The following FKBP5 variants were observed in gnomAD, a reference collection of about 807,000 sequenced individuals.
FKBP5 encodes FKBP prolyl isomerase 5.
FKBP5 carries 23 observed loss-of-function variants against 50.5 expected under a neutral mutation model. The observed-to-expected ratio is 0.46, with a 90% CI of 0.33 to 0.65. The LOEUF (loss-of-function observed/expected upper bound fraction) is 0.65. Ranked by LOEUF, FKBP5 falls within the 30% of genes least tolerant of loss-of-function variation. FKBP5 has a pLI of 0.02. For synonymous variants in FKBP5, 176 were observed against 190.6 expected, an observed-to-expected ratio of 0.92 and a Z score of 0.63; for missense variants, 411 against 553.1, an observed-to-expected ratio of 0.74 and a Z score of 2.58.
chr6:35,667,419 T>G (rs907540745), intron 1 of FKBP5, among the ~76,000 whole-genome samples: 1 of 152,182 alleles, frequency 6.6e-6, no homozygotes, highest in Non-Finnish European at 1.5e-5. Flanking sequence ...CCTATTACGC[T>G]TATGGCTCCC....
intron 1 of FKBP5, among the ~76,000 whole-genome samples, chr6:35,662,095 G>T (rs1463707077): frequency 6.6e-6 from 1 of 151,988 alleles, no homozygotes; most frequent in Non-Finnish European, 1.5e-5. Flanking sequence ...ACAAGGTCTT[G>T]CTATGTTGCC....
At chr6:35,668,043 T>C (rs1449580114) in intron 1 of FKBP5, among the ~76,000 whole-genome samples, 1 of 152,222 alleles carries the variant, frequency 6.6e-6, no homozygotes, top group Non-Finnish European at 1.5e-5. Flanking sequence ...AAAAAAATTA[T>C]AGGAAATTTT....
At chr6:35,630,112 A>G (rs1278173222) in intron 3 of FKBP5, among the ~76,000 whole-genome samples, 2 of 151,808 alleles carry the variant, frequency 1.3e-5, no homozygotes, top group African/African-American at 4.8e-5. Context: ...TTCCAGCCCC[A>G]ATAACAGAGC....
At chr6:35,667,001 CTTGTT>C (rs2151002560) in intron 1 of FKBP5, among the ~76,000 whole-genome samples, 1 of 144,644 alleles carries the variant, frequency 6.9e-6, no homozygotes, top group African/African-American at 2.6e-5. Context: ...TAAATTTTCA[CTTGTT>C]TTGTGTGTGT....
chr6:35,683,115 CGTATATGTGTGTGTGTGT>C lies in FKBP5; in HGVS notation c.-20+5671_-20+5688del, dbSNP rs1294043459. 1.4e-4 allele frequency among the ~76,000 whole-genome samples: 8 copies of C among 56,236 alleles called. No individual in the cohort carries two copies. In the East Asian group the frequency reaches 3.4e-3, roughly 24 times the overall value. The allele number at this position is 56,236 out of a possible 152,430, so 36.9% of individuals were successfully genotyped here. A position where few individuals can be genotyped will look rare whatever the true frequency, so the allele number is the denominator to read the frequency against. On this transcript the variant is annotated intron_variant, in intron 1 of 10. Coordinates refer to ENST00000357266, the MANE Select transcript of FKBP5 (RefSeq NM_004117.4). Reference sequence around the variant, plus strand: ...AAAAAAGTGTGTGTGTATATATATACGTATATGTGTGTGTGTGTGTGTGTGTGTGTGTGTGTGTGTGTG... The same window carrying C: ...AAAAAAGTGTGTGTGTATATATATACGTGTGTGTGTGTGTGTGTGTGTGTG...
chr6:35,717,409 T>G (rs1329493918), intron 2 of FKBP5, among the ~76,000 whole-genome samples: 1 of 152,242 alleles, frequency 6.6e-6, no homozygotes, highest in Non-Finnish European at 1.5e-5. Context: ...TGTGAGTGTG[T>G]GCTCCATGTG....
At chr6:35,678,821 C>T (rs1025288433) in intron 1 of FKBP5, among the ~76,000 whole-genome samples, 3 of 152,168 alleles carry the variant, frequency 2.0e-5, no homozygotes, top group Non-Finnish European at 2.9e-5. Context: ...GTGGCTCATG[C>T]CTGTAATCCT....
chr6:35,592,371 T>C (rs1581794342), intron 6 of FKBP5, among the ~76,000 whole-genome samples: 2 of 152,232 alleles, frequency 1.3e-5, no homozygotes, highest in East Asian at 1.9e-4. Context: ...TCACCTCCAC[T>C]GTTACACAGA....
chr6:35,642,093 T>C (rs1764509567), intron 2 of FKBP5, among the ~76,000 whole-genome samples: 1 of 152,122 alleles, frequency 6.6e-6, no homozygotes, highest in Non-Finnish European at 1.5e-5. Context: ...GTCTTCAAAA[T>C]TGTCATTAGC....
upstream of FKBP5, among the ~76,000 whole-genome samples, chr6:35,689,892 T>G (rs2151015335): frequency 6.6e-6 from 1 of 152,260 alleles, no homozygotes; most frequent in South Asian, 2.1e-4. Context: ...AAAGGTAGAC[T>G]GCCAACCAGA....
intron 7 of FKBP5, among the ~76,000 whole-genome samples, chr6:35,589,921 G>C (rs1049494143): frequency 2.0e-5 from 3 of 152,162 alleles, no homozygotes; most frequent in Non-Finnish European, 4.4e-5. Context: ...CACTTTCTTA[G>C]CCCAAAGGTA....
In FKBP5 at chr6:35,575,603, CCA is replaced by C. The variant is rs1444946321; in HGVS notation, c.*230_*231del. 3.9e-6 allele frequency: 2 copies of C among 518,452 alleles called. No homozygotes were observed. Among genetic ancestry groups the C allele is most frequent in the Non-Finnish European group, 7.0e-6 (2 of 286,326 alleles). 32.1% of individuals were successfully genotyped at this position (518,452 alleles called of 1,614,324 possible). A position where few individuals can be genotyped will look rare whatever the true frequency, so the allele number is the denominator to read the frequency against. On this transcript the variant is annotated 3_prime_UTR_variant, in exon 11 of 11. Coordinates refer to ENST00000357266, the MANE Select transcript of FKBP5 (RefSeq NM_004117.4). ...AAGCTGCTGGCTCACTCCCTCCACA[CCA>C]CAGTCATTTCTGTTTGTTCCACCTG...
rs555619707 is a variant in FKBP5 at position 35,654,614 on chromosome 6, C to G, written c.-19-11771G>C. Among the ~76,000 whole-genome samples the G allele has an allele frequency of 2.0e-5, 3 of 151,442 alleles. No homozygotes were observed. The East Asian group carries it at 5.8e-4, about 29-fold the overall frequency. On this transcript the variant is annotated intron_variant, in intron 1 of 10. Transcript: ENST00000357266. ...CTTTCTTTCTTGACTTTATGCATTG[C>G]CTTTTTTGTTTGTTTGTTTTGCTTT... is the stretch of plus-strand genomic sequence containing the variant.
At chr6:35,683,615 A>G (rs1463158726) in intron 1 of FKBP5, among the ~76,000 whole-genome samples, 1 of 142,662 alleles carries the variant, frequency 7.0e-6, no homozygotes, top group African/African-American at 2.6e-5. Flanking sequence ...AAGGGCATGC[A>G]CTGCCATGAC....
intron 7 of FKBP5, among the ~76,000 whole-genome samples, chr6:35,590,021 G>C (rs993400590): frequency 6.6e-6 from 1 of 152,220 alleles, no homozygotes; most frequent in African/African-American, 2.4e-5. Context: ...AATGTGGTCA[G>C]GCACAGTGGC....
At chr6:35,586,658 T>C (rs2150956479) in intron 8 of FKBP5, 1 of 1,027,518 alleles carries the variant, frequency 9.7e-7, no homozygotes, top group African/African-American at 1.7e-5. Context: ...CCCTTATGAA[T>C]TCCATTCTTT....
At chr6:35,614,852 C>T (rs538414955) in intron 5 of FKBP5, among the ~76,000 whole-genome samples, 10 of 152,024 alleles carry the variant, frequency 6.6e-5, no homozygotes, top group Admixed American at 1.3e-4. Flanking sequence ...TGGCCGGGCA[C>T]GGTGGCTCAT....
intron 2 of FKBP5, among the ~76,000 whole-genome samples, chr6:35,698,336 C>T (rs1766119177): frequency 6.6e-6 from 1 of 150,902 alleles, no homozygotes; most frequent in Admixed American, 6.6e-5. Flanking sequence ...GAGTGAAACT[C>T]CATCTTAAAA....
At chr6:35,721,376 C>T (rs1766607494) in intron 1 of FKBP5, among the ~76,000 whole-genome samples, 1 of 151,676 alleles carries the variant, frequency 6.6e-6, no homozygotes, top group Admixed American at 6.6e-5. Context: ...AGAAATTTGA[C>T]CATTCTAGAT....
Sources: gnomAD v4.1 joint callset for allele counts (sites outside exome capture counted in the v4.1 genomes callset) on GRCh38, gnomAD v4.1.1 for gene constraint, MANE v1.5 for transcripts, NCBI Gene and HGNC (gene_info 2026-07-23, HGNC 2026-07-21) for gene names.